The following GAREM1 variants were observed in gnomAD, a reference collection of about 807,000 sequenced individuals.
GAREM1 encodes GRB2 associated regulator of MAPK1 subtype 1, also known as GRB2-associated and regulator of MAPK protein 1.
Under a neutral mutation model 71.3 loss-of-function variants are expected in GAREM1, and 26 were observed. The observed-to-expected ratio is 0.36, with a 90% CI of 0.27 to 0.51. The LOEUF (loss-of-function observed/expected upper bound fraction) is 0.51, where lower values mean the gene tolerates loss of function less well. Among genes scored for constraint, GAREM1 ranks in the 20% least tolerant of loss-of-function variants. The pLI, the probability that GAREM1 is intolerant of heterozygous loss-of-function variation, is 0.95. For missense variants in GAREM1, 1,026 were observed against 1,103.1 expected, an observed-to-expected ratio of 0.93 and a Z score of 0.99; for synonymous variants, 440 against 433.2, an observed-to-expected ratio of 1.02 and a Z score of -0.20.
Position 32,270,217 on chromosome 18 carries a change from A to G in GAREM1, c.1733T>C (p.Ile578Thr), listed in dbSNP as rs1195491978. 1.2e-6 allele frequency: 2 copies of G among 1,613,566 alleles called. No individual in the cohort carries two copies. Among genetic ancestry groups the G allele is most frequent in the Non-Finnish European group, 1.7e-6 (2 of 1,179,888 alleles). The change falls in exon 5 of 6, where the codon ATC becomes ACC. Residue 578 changes from isoleucine to threonine, a missense_variant and splice_region_variant. Transcript: ENST00000269209. Reference sequence around the variant, plus strand: ...AGTGGGACCTGGCAGGAAGACTTACATGTTGTGTAGCCCTGAAGAATAGTA... The same window carrying G: ...AGTGGGACCTGGCAGGAAGACTTACGTGTTGTGTAGCCCTGAAGAATAGTA... ...LSYYSSGLHN[I>T]SVTKTDTNPS...
At chr18:32,320,210 T>C (rs750589449) in intron 2 of GAREM1, among the ~76,000 whole-genome samples, 8 of 152,204 alleles carry the variant, frequency 5.3e-5, no homozygotes, top group South Asian at 2.1e-4. Flanking sequence ...TAGCATTCCA[T>C]TGGGATTGTA....
intron 2 of GAREM1, among the ~76,000 whole-genome samples, chr18:32,371,095 C>T (rs1012922908): frequency 1.3e-5 from 2 of 151,926 alleles, no homozygotes; most frequent in South Asian, 2.1e-4. Flanking sequence ...TCCTAGATGA[C>T]GGGTGATGAA....
chr18:32,269,663 G>T (rs2041428926), intron 5 of GAREM1, among the ~76,000 whole-genome samples: 1 of 152,100 alleles, frequency 6.6e-6, no homozygotes, highest in Non-Finnish European at 1.5e-5. Flanking sequence ...ATAATAAAGG[G>T]TGTTTTTTTT....
At chr18:32,462,329 C>A (rs1461943255) in intron 1 of GAREM1, among the ~76,000 whole-genome samples, 1 of 152,218 alleles carries the variant, frequency 6.6e-6, no homozygotes, top group Non-Finnish European at 1.5e-5. Flanking sequence ...TAACATCGAT[C>A]TCACTGCGAT....
intron 4 of GAREM1, among the ~76,000 whole-genome samples, chr18:32,276,585 A>T (rs1463617780): frequency 6.6e-6 from 1 of 152,236 alleles, no homozygotes; most frequent in Admixed American, 6.5e-5. Flanking sequence ...AGGTAATTTT[A>T]CTGAGAAAGT....
chr18:32,425,548 G>A (rs1055500958), intron 1 of GAREM1, among the ~76,000 whole-genome samples: 3 of 152,146 alleles, frequency 2.0e-5, no homozygotes, highest in Non-Finnish European at 4.4e-5. Flanking sequence ...ACACAAAAGA[G>A]AGAGTAATGT....
chr18:32,375,852 G>A lies in GAREM1; in HGVS notation c.262+17043C>T, dbSNP rs147213154. On this transcript the variant is annotated intron_variant, in intron 2 of 5. Coordinates refer to ENST00000269209, the MANE Select transcript of GAREM1 (RefSeq NM_001242409.2). ...ATCCCAGAGCAAAAACTTGATTGGG[G>A]CAGCGGTCTTCATAAAAGGGTTGAA... 2.6e-5 allele frequency among the ~76,000 whole-genome samples: 4 copies of A among 152,264 alleles called. No individual in the cohort carries two copies. The East Asian group carries it at 7.7e-4, about 29-fold the overall frequency.
chr18:32,470,566 G>A lies in GAREM1; in HGVS notation c.-138C>T, dbSNP rs1424388665. 10 of 509,002 alleles carry A rather than the reference G, an allele frequency of 2.0e-5. No individual in the cohort carries two copies. The highest frequency in any genetic ancestry group is 2.5e-5 in the Non-Finnish European group (10 of 397,390). 31.5% of individuals were successfully genotyped at this position (509,002 alleles called of 1,614,324 possible). On this transcript the variant is annotated 5_prime_UTR_variant, in exon 1 of 6. Coordinates refer to ENST00000269209, the MANE Select transcript of GAREM1 (RefSeq NM_001242409.2). The surrounding 1 kb of genome is among the most constrained non-coding windows in gnomAD (Gnocchi z 4.4). The stretch of plus-strand genomic sequence containing the variant: ...GCAGCTCCGGCCGCGGGCAGCCGGG[G>A]GGGCGCGGCGACTGGGGCGGCCCGG...
At chr18:32,342,048 T>C (rs1456299270) in intron 2 of GAREM1, among the ~76,000 whole-genome samples, 3 of 152,148 alleles carry the variant, frequency 2.0e-5, no homozygotes, top group Admixed American at 6.5e-5. Flanking sequence ...TAAGTTGGGT[T>C]TGAATGACCT....
chr18:32,392,472 T>G (rs2048212702), intron 2 of GAREM1, among the ~76,000 whole-genome samples: 1 of 152,154 alleles, frequency 6.6e-6, no homozygotes, highest in Non-Finnish European at 1.5e-5. Flanking sequence ...GAACTACCAA[T>G]CCAATACTTT....
intron 4 of GAREM1, among the ~76,000 whole-genome samples, chr18:32,276,343 A>G (rs112133393): frequency 0.023 from 3,549 of 152,284 alleles, 60 homozygotes; most frequent in Non-Finnish European, 0.025. Flanking sequence ...CTCTTTTCCT[A>G]CAGCCTCTAT....
Position 32,264,478 on chromosome 18 carries a change from TG to T in GAREM1, c.*3392del, listed in dbSNP as rs145547959. The T allele has an allele frequency of 1.2e-4, 18 of 152,314 alleles. No individual in the cohort carries two copies. Among genetic ancestry groups the T allele is most frequent in the African/African-American group, 4.1e-4 (17 of 41,560 alleles). The allele number at this position is 152,314 out of a possible 1,614,324, so 9.4% of individuals were successfully genotyped here. On this transcript the variant is annotated 3_prime_UTR_variant, in exon 6 of 6. Transcript: ENST00000269209. ...TCCCTGGACTTCTCAGGGAGCTGTA[TG>T]GATAACATGCAGGTGGCTGTGGAAT... is the stretch of plus-strand genomic sequence containing the variant.
chr18:32,467,445 T>G (rs554814098), intron 1 of GAREM1, among the ~76,000 whole-genome samples: 1 of 152,210 alleles, frequency 6.6e-6, no homozygotes, highest in African/African-American at 2.4e-5. Context: ...GGCTGGAAAT[T>G]CCACTCCACC....
At chr18:32,313,311 A>T (rs970811205) in intron 2 of GAREM1, among the ~76,000 whole-genome samples, 1 of 152,144 alleles carries the variant, frequency 6.6e-6, no homozygotes, top group African/African-American at 2.4e-5. Flanking sequence ...GGATCAATGG[A>T]TCATGGATTT....
chr18:32,363,987 CATATATACATATATATAT>C (rs1357314282), intron 2 of GAREM1, among the ~76,000 whole-genome samples: 7 of 27,092 alleles, frequency 2.6e-4, no homozygotes, highest in African/African-American at 5.8e-4. Context: ...TACATAAATA[CATATATACATATATATAT>C]ATATATATAT....
At chr18:32,338,071 CAG>C (rs1447620581) in intron 2 of GAREM1, among the ~76,000 whole-genome samples, 1 of 152,136 alleles carries the variant, frequency 6.6e-6, no homozygotes, top group Non-Finnish European at 1.5e-5. Flanking sequence ...GTGGTTTCTT[CAG>C]AGTTTCAATA....
At chr18:32,328,901 GAA>G (rs2047498852) in intron 2 of GAREM1, among the ~76,000 whole-genome samples, 1 of 152,150 alleles carries the variant, frequency 6.6e-6, no homozygotes, top group African/African-American at 2.4e-5. Context: ...GCCTAAAACG[GAA>G]AAGAGACTGA....
rs917718740 is a variant in GAREM1 at position 32,399,954 on chromosome 18, G to A, written c.122-6919C>T. On this transcript the variant is annotated intron_variant, in intron 1 of 5. Coordinates refer to ENST00000269209, the MANE Select transcript of GAREM1 (RefSeq NM_001242409.2). ...AAGGCTACAGTAACCAAAACAGCATGGTACTGGTACCAAAACAGAGATATA... is the reference window on the plus strand; with the variant it reads ...AAGGCTACAGTAACCAAAACAGCATAGTACTGGTACCAAAACAGAGATATA... Among the ~76,000 whole-genome samples the A allele has an allele frequency of 4.6e-5, 7 of 152,254 alleles. No individual in the cohort carries two copies. The East Asian group carries it at 5.8e-4, about 13-fold the overall frequency.
intron 1 of GAREM1, among the ~76,000 whole-genome samples, chr18:32,451,056 G>A (rs2048833439): frequency 6.6e-6 from 1 of 152,092 alleles, no homozygotes; most frequent in Non-Finnish European, 1.5e-5. Flanking sequence ...GGGCTGAGGT[G>A]GCAGAACCAC....
Sources: allele counts gnomAD v4.1 joint callset (sites outside exome capture counted in the v4.1 genomes callset), GRCh38; gene constraint gnomAD v4.1.1; non-coding constraint Gnocchi (gnomAD v3.1); transcripts MANE v1.5; gene names NCBI Gene and HGNC (gene_info 2026-07-23, HGNC 2026-07-21).